SZRD1: variants seen among roughly 807,000 people sequenced by gnomAD.
SZRD1 encodes the protein SUZ RNA-binding domain-containing.
In SZRD1, 7 loss-of-function variants were observed where a neutral mutation model predicts 17.6. That is an observed-to-expected ratio of 0.40 (90% CI 0.23 to 0.75). The LOEUF is 0.75. SZRD1 is among the 30% of genes least tolerant of loss of function. The pLI is 0.38. For missense variants in SZRD1, 178 were observed against 201.8 expected (o/e 0.88, Z 0.71); for synonymous variants, 77 against 77.9 (o/e 0.99, Z 0.06).
intron 1 of SZRD1, among the ~76,000 whole-genome samples, chr1:16,379,539 C>G (rs532368578): frequency 6.6e-6 from 1 of 152,186 alleles, no homozygotes; most frequent in Admixed American, 6.5e-5. Context: ...AAAGGGAGGA[C>G]GTAATACCTG....
chr1:16,391,456 C>G lies in SZRD1; in HGVS notation c.101+32C>G, dbSNP rs1429095302. ...CTGCTGTCTGGTCTGAGGGCTCATG[C>G]TCTCTGTGGTTTGAGAGCCGGGCAG... On this transcript the variant is annotated intron_variant, in intron 2 of 3. Transcript: ENST00000401088. The surrounding 1 kb of genome is among the most constrained non-coding windows in gnomAD (Gnocchi z 4.3). 6.5e-7 allele frequency: 1 copy of G among 1,536,496 alleles called. No homozygotes were observed. Among genetic ancestry groups the G allele is most frequent in the Non-Finnish European group, 8.8e-7 (1 of 1,136,226 alleles).
At chr1:16,388,678 CTT>C (rs950662267) in intron 1 of SZRD1, among the ~76,000 whole-genome samples, 164 of 92,164 alleles carry the variant, frequency 1.8e-3, no homozygotes, top group African/African-American at 6.7e-3. Flanking sequence ...AAGAATAAGT[CTT>C]TTTTTTTTTT....
chr1:16,383,860 C>T (rs567866690), intron 1 of SZRD1, among the ~76,000 whole-genome samples: 25 of 152,236 alleles, frequency 1.6e-4, no homozygotes, highest in African/African-American at 5.8e-4. Flanking sequence ...CCTCGTGATC[C>T]GCCCGCCTGG....
In SZRD1 at chr1:16,391,563, A is replaced by C; in HGVS notation, c.101+139A>C. Reference sequence around the variant, plus strand: ...TGGGGCAGCAAACCCTTCCCTCCAAATTGGAGACCAGGACGTGGTGGCTTG... The same window carrying C: ...TGGGGCAGCAAACCCTTCCCTCCAACTTGGAGACCAGGACGTGGTGGCTTG... On this transcript the variant is annotated intron_variant, in intron 2 of 3. Coordinates refer to ENST00000401088, the MANE Select transcript of SZRD1 (RefSeq NM_001114600.3). This position sits in a 1 kb window ranked among gnomAD's most constrained non-coding sequence, Gnocchi z 4.3. 2.8e-6 allele frequency: 2 copies of C among 722,750 alleles called. No individual in the cohort carries two copies. Among genetic ancestry groups the C allele is most frequent in the Non-Finnish European group, 2.3e-6 (1 of 431,046 alleles). 44.8% of individuals were successfully genotyped at this position (722,750 alleles called of 1,614,324 possible).
intron 1 of SZRD1, 66 bp downstream of exon 1, chr1:16,367,374 A>T (rs1412676285): frequency 6.8e-7 from 1 of 1,460,320 alleles, no homozygotes; most frequent in African/African-American, 1.4e-5. Flanking sequence ...GCCTCCGGGG[A>T]GCGGGTCTGG....
intron 1 of SZRD1, chr1:16,387,922 G>A: frequency 3.0e-6 from 1 of 337,002 alleles, no homozygotes; most frequent in Non-Finnish European, 5.8e-6. Context: ...CATAGATTCT[G>A]TGTGAGTGTC....
chr1:16,394,511 G>A (rs745961812), intron 3 of SZRD1, among the ~76,000 whole-genome samples: 5 of 152,210 alleles, frequency 3.3e-5, no homozygotes, highest in Non-Finnish European at 7.3e-5. Flanking sequence ...GCTGAGCAGG[G>A]GGAAAGGATG....
intron 1 of SZRD1, among the ~76,000 whole-genome samples, chr1:16,371,712 C>G (rs1165061311): frequency 2.0e-5 from 3 of 151,920 alleles, no homozygotes; most frequent in Non-Finnish European, 4.4e-5. Context: ...CCGCCCGCCT[C>G]GGCCTCCCAA....
chr1:16,367,776 G>A (rs938466168), intron 1 of SZRD1: 5 of 165,186 alleles, frequency 3.0e-5, no homozygotes, highest in African/African-American at 1.2e-4. Context: ...GCCGAGGGCG[G>A]GGGGAAATTG....
chr1:16,379,624 C>T (rs2083061503), intron 1 of SZRD1, among the ~76,000 whole-genome samples: 1 of 152,150 alleles, frequency 6.6e-6, no homozygotes, highest in Non-Finnish European at 1.5e-5. Context: ...TCAACTGGAT[C>T]CAGATAGATC....
At chr1:16,383,237 G>A (rs1465111271) in intron 1 of SZRD1, among the ~76,000 whole-genome samples, 4 of 130,856 alleles carry the variant, frequency 3.1e-5, no homozygotes, top group Non-Finnish European at 4.7e-5. Flanking sequence ...CTTTTCTTTC[G>A]AGGTGGGGCC....
In SZRD1 at chr1:16,391,542, G is replaced by A. The variant is rs77051253; in HGVS notation, c.101+118G>A. 1,527 of 852,214 alleles carry A rather than the reference G, an allele frequency of 1.8e-3. 11 individuals are homozygous for A. The African/African-American group carries it at 0.024, about 13-fold the overall frequency. The allele number at this position is 852,214 out of a possible 1,614,324, so 52.8% of individuals were successfully genotyped here. On this transcript the variant is annotated intron_variant, in intron 2 of 3. Coordinates refer to ENST00000401088, the MANE Select transcript of SZRD1 (RefSeq NM_001114600.3). This position sits in a 1 kb window ranked among gnomAD's most constrained non-coding sequence, Gnocchi z 4.3. ...AGGTCCTAGCAGGTCAGGCTCTGGG[G>A]CAGCAAACCCTTCCCTCCAAATTGG...
chr1:16,367,387 A>AAC, intron 1 of SZRD1, 79 bp downstream of exon 1: 1 of 1,383,370 alleles, frequency 7.2e-7, no homozygotes, highest in Non-Finnish European at 9.9e-7. Flanking sequence ...GGGTCTGGAG[A>AAC]TAGTTCTCCC....
intron 1 of SZRD1, among the ~76,000 whole-genome samples, chr1:16,374,098 A>G (rs74055537): frequency 0.027 from 4,100 of 152,302 alleles, 183 homozygotes; most frequent in African/African-American, 0.091. Context: ...GAGATCAATT[A>G]GTTTGGGGCT....
intron 1 of SZRD1, among the ~76,000 whole-genome samples, chr1:16,386,462 T>C (rs949351956): frequency 6.6e-6 from 1 of 152,350 alleles, no homozygotes; most frequent in East Asian, 1.9e-4. Flanking sequence ...GATGCACATT[T>C]TCCTTGTAAT....
In SZRD1 at chr1:16,395,421, A is replaced by T. The variant is rs1270671676; in HGVS notation, c.*281A>T. ...GGTTAGGGGAAGGTTGGGGGGACCC[A>T]GCAAGGACTCAGAGAGTCAGACAGT... is the stretch of plus-strand genomic sequence containing the variant. On this transcript the variant is annotated 3_prime_UTR_variant, in exon 4 of 4. Coordinates refer to ENST00000401088, the MANE Select transcript of SZRD1 (RefSeq NM_001114600.3). 1.5e-5 allele frequency: 7 copies of T among 454,422 alleles called. No homozygotes were observed. Among genetic ancestry groups the T allele is most frequent in the Non-Finnish European group, 2.5e-5 (6 of 244,878 alleles). 28.1% of individuals were successfully genotyped at this position (454,422 alleles called of 1,614,324 possible). A position where few individuals can be genotyped will look rare whatever the true frequency, so the allele number is the denominator to read the frequency against.
chr1:16,372,937 G>T (rs187455202), intron 1 of SZRD1, among the ~76,000 whole-genome samples: 25 of 152,306 alleles, frequency 1.6e-4, no homozygotes, highest in African/African-American at 5.8e-4. Flanking sequence ...GTCTTGTAAA[G>T]AAGACGATGC....
chr1:16,387,334 A>G (rs1279372469), intron 1 of SZRD1: 1 of 456,222 alleles, frequency 2.2e-6, no homozygotes, highest in Non-Finnish European at 4.4e-6. Flanking sequence ...TGCTTTCCTC[A>G]GAGGAGACCT....
chr1:16,381,026 T>G (rs1557625665), intron 1 of SZRD1, among the ~76,000 whole-genome samples: 1 of 146,780 alleles, frequency 6.8e-6, no homozygotes, highest in Non-Finnish European at 1.5e-5. Flanking sequence ...AAGGCTACAG[T>G]GAGCTATGAT....
Sources: allele counts gnomAD v4.1 joint callset (sites outside exome capture counted in the v4.1 genomes callset), GRCh38; gene constraint gnomAD v4.1.1; non-coding constraint Gnocchi (gnomAD v3.1); transcripts MANE v1.5; gene names NCBI Gene and HGNC (gene_info 2026-07-23, HGNC 2026-07-21).